The following ATP6V0D1 variants were observed in gnomAD, a reference collection of about 807,000 sequenced individuals.
ATP6V0D1 encodes V-type proton ATPase subunit d 1.
Under a neutral mutation model 39.0 loss-of-function variants are expected in ATP6V0D1, and 13 were observed. That is an observed-to-expected ratio of 0.33 (90% CI 0.22 to 0.53). The LOEUF is 0.53. Among genes scored for constraint, ATP6V0D1 ranks in the 20% least tolerant of loss-of-function variants. The pLI, the probability that ATP6V0D1 is intolerant of heterozygous loss-of-function variation, is 0.94. For synonymous variants in ATP6V0D1, 191 were observed against 191.2 expected, an observed-to-expected ratio of 1.00 and a Z score of 0.01; for missense variants, 272 against 470.9, an observed-to-expected ratio of 0.58 and a Z score of 3.91.
intron 1 of ATP6V0D1, among the ~76,000 whole-genome samples, chr16:67,479,255 C>T (rs926071689): frequency 2.7e-5 from 4 of 149,566 alleles, no homozygotes; most frequent in African/African-American, 1.0e-4. Flanking sequence ...CTGTTGTTGC[C>T]CAGGCTGGAG....
At position 67,444,490 on chromosome 16, in the gene ATP6V0D1, A is replaced by G. The variant is rs1312593672; in HGVS notation, c.481+38T>C. 1 of 1,551,672 alleles carries G rather than the reference A, an allele frequency of 6.4e-7. No homozygotes were observed. The highest frequency in any genetic ancestry group is 2.3e-5 in the East Asian group (1 of 43,060). ...CCCACCCTGATGCGCTGATGCTGAC[A>G]CCACTGCCCACCTCCCATGACCACC... On this transcript the variant is annotated intron_variant, in intron 3 of 7. Coordinates refer to ENST00000290949, the MANE Select transcript of ATP6V0D1 (RefSeq NM_004691.5). The surrounding 1 kb of genome is among the most constrained non-coding windows in gnomAD (Gnocchi z 4.8).
intron 2 of ATP6V0D1, among the ~76,000 whole-genome samples, chr16:67,452,767 T>C (rs928805885): frequency 6.6e-6 from 1 of 152,124 alleles, no homozygotes; most frequent in Non-Finnish European, 1.5e-5. Flanking sequence ...CCTACCTCCC[T>C]GTGCAGTCCA....
At chr16:67,450,655 A>G (rs965966078) in intron 2 of ATP6V0D1, among the ~76,000 whole-genome samples, 4 of 152,120 alleles carry the variant, frequency 2.6e-5, no homozygotes, top group Non-Finnish European at 4.4e-5. Context: ...TGAAAGCTCG[A>G]GGGATGAGGG....
At chr16:67,460,277 C>G (rs2041278737) in intron 1 of ATP6V0D1, among the ~76,000 whole-genome samples, 1 of 152,224 alleles carries the variant, frequency 6.6e-6, no homozygotes, top group Non-Finnish European at 1.5e-5. Context: ...GACAGATGGA[C>G]CAATGTGGAC....
chr16:67,462,207 G>C (rs2041294293), intron 1 of ATP6V0D1, among the ~76,000 whole-genome samples: 1 of 152,202 alleles, frequency 6.6e-6, no homozygotes, highest in Non-Finnish European at 1.5e-5. Context: ...GAGACACAGG[G>C]CTTGCAGGGC....
intron 2 of ATP6V0D1, among the ~76,000 whole-genome samples, chr16:67,450,696 G>A (rs1341708526): frequency 6.6e-6 from 1 of 152,178 alleles, no homozygotes; most frequent in Non-Finnish European, 1.5e-5. Context: ...GAATGTAAAA[G>A]TTTAGGTCCC....
At chr16:67,461,830 A>G (rs2142323056) in intron 1 of ATP6V0D1, among the ~76,000 whole-genome samples, 1 of 152,306 alleles carries the variant, frequency 6.6e-6, no homozygotes, top group East Asian at 1.9e-4. Flanking sequence ...GTCACCTCCC[A>G]AGTCCAGGAA....
intron 4 of ATP6V0D1, 61 bp from the exon 5 acceptor site, chr16:67,439,412 A>T: frequency 6.8e-7 from 1 of 1,471,468 alleles, no homozygotes; most frequent in Admixed American, 1.7e-5. Flanking sequence ...CTTGCTAGGC[A>T]CAAGCCCTCA....
intron 2 of ATP6V0D1, among the ~76,000 whole-genome samples, chr16:67,449,720 A>C (rs1157350457): frequency 6.6e-6 from 1 of 152,198 alleles, no homozygotes; most frequent in Non-Finnish European, 1.5e-5. Flanking sequence ...TCCATTTGCT[A>C]AAGCTGCTCA....
intron 1 of ATP6V0D1, among the ~76,000 whole-genome samples, chr16:67,460,938 C>G (rs1268751726): frequency 6.6e-6 from 1 of 152,210 alleles, no homozygotes; most frequent in East Asian, 1.9e-4. Flanking sequence ...CAAATTGGCC[C>G]TAAAACACTT....
intron 2 of ATP6V0D1, among the ~76,000 whole-genome samples, chr16:67,445,387 G>A (rs1297406372): frequency 6.6e-6 from 1 of 152,196 alleles, no homozygotes; most frequent in Non-Finnish European, 1.5e-5. Context: ...AGAGGAAGAG[G>A]CAGAGATAGC....
At chr16:67,450,866 A>G (rs2142310113) in intron 2 of ATP6V0D1, among the ~76,000 whole-genome samples, 1 of 152,266 alleles carries the variant, frequency 6.6e-6, no homozygotes, top group African/African-American at 2.4e-5. Flanking sequence ...CCAAGAGAAA[A>G]GGAAGGGCAC....
chr16:67,480,153 C>G (rs2041455057), intron 1 of ATP6V0D1, among the ~76,000 whole-genome samples: 1 of 104,804 alleles, frequency 9.5e-6, no homozygotes, highest in Non-Finnish European at 1.7e-5. Flanking sequence ...GAGCCGAGAT[C>G]CCGCCACTGC....
intron 1 of ATP6V0D1, chr16:67,457,308 G>A (rs1268546117): frequency 3.4e-6 from 1 of 297,746 alleles, no homozygotes; most frequent in African/African-American, 2.2e-5. Context: ...GGGGCATAGA[G>A]GGGCTGGGAT....
At chr16:67,457,667 A>T (rs1431790317) in intron 1 of ATP6V0D1, 1 of 1,288,456 alleles carries the variant, frequency 7.8e-7, no homozygotes, top group South Asian at 1.2e-5. Flanking sequence ...GAAGCCAGGA[A>T]TGTGTGCACG....
At chr16:67,449,273 G>C (rs1291325678) in intron 2 of ATP6V0D1, among the ~76,000 whole-genome samples, 2 of 152,322 alleles carry the variant, frequency 1.3e-5, no homozygotes, top group African/African-American at 4.8e-5. Context: ...CTCATTCAAA[G>C]ACAAAGGCCT....
chr16:67,467,701 C>T (rs1277163533), intron 1 of ATP6V0D1, among the ~76,000 whole-genome samples: 1 of 152,206 alleles, frequency 6.6e-6, no homozygotes, highest in Non-Finnish European at 1.5e-5. Context: ...TGGCTCCACA[C>T]AGAAGAACTC....
chr16:67,445,985 G>A (rs548003114), intron 2 of ATP6V0D1: 1 of 455,708 alleles, frequency 2.2e-6, no homozygotes, highest in East Asian at 6.9e-5. Flanking sequence ...AAAAGTTGGG[G>A]TGGAGGCTGC....
intron 1 of ATP6V0D1, among the ~76,000 whole-genome samples, chr16:67,480,198 CA>C (rs5817621): frequency 0.055 from 1,640 of 29,626 alleles, 14 homozygotes; most frequent in Middle Eastern, 0.094. Context: ...GACTCCGTCT[CA>C]AAAAAAAAAA....
Sources: gnomAD v4.1 joint callset for allele counts (sites outside exome capture counted in the v4.1 genomes callset) on GRCh38, gnomAD v4.1.1 for gene constraint, Gnocchi (gnomAD v3.1) non-coding constraint, MANE v1.5 for transcripts, NCBI Gene and HGNC (gene_info 2026-07-23, HGNC 2026-07-21) for gene names.